Variants in AAGAB observed in about 807,000 individuals in gnomAD.
AAGAB encodes alpha- and gamma-adaptin-binding protein p34.
Under a neutral mutation model 44.1 loss-of-function variants are expected in AAGAB, and 38 were observed. The ratio of observed to expected loss-of-function variants is 0.86; its 90% CI spans 0.67 to 1.13. The LOEUF (loss-of-function observed/expected upper bound fraction) is 1.13. Among genes scored for constraint, AAGAB ranks in the 50% most tolerant of loss-of-function variants. AAGAB has a pLI of 0.00. For missense variants in AAGAB, 450 were observed against 373.8 expected, an observed-to-expected ratio of 1.20 and a Z score of -1.68; for synonymous variants, 131 against 131.8, an observed-to-expected ratio of 0.99 and a Z score of 0.04.
intron 1 of AAGAB, among the ~76,000 whole-genome samples, chr15:67,245,156 G>A (rs1371717500): frequency 1.3e-5 from 2 of 152,016 alleles, no homozygotes; most frequent in African/African-American, 2.4e-5. Flanking sequence ...TCCACTCCCA[G>A]GCATCCACCC....
intron 4 of AAGAB, among the ~76,000 whole-genome samples, chr15:67,235,244 G>T (rs1964434021): frequency 6.6e-6 from 1 of 152,102 alleles, no homozygotes; most frequent in Admixed American, 6.6e-5. Flanking sequence ...AAGCTCTCCG[G>T]TCTCTAAAAT....
intron 7 of AAGAB, among the ~76,000 whole-genome samples, chr15:67,207,126 T>C (rs192935207): frequency 3.5e-4 from 53 of 152,284 alleles, no homozygotes; most frequent in East Asian, 2.7e-3. Context: ...GGAAGCGAGA[T>C]TGCGGTGAGC....
In AAGAB at chr15:67,205,316, T is replaced by C. The variant is rs182825159; in HGVS notation, c.716-1168A>G. ...ACAATTTGGTGTTAAAAACGCATCT[T>C]GGTTAATATATTTGCTTTCGTTCAA... On this transcript the variant is annotated intron_variant, in intron 7 of 9. Transcript: ENST00000261880. 2.6e-5 allele frequency among the ~76,000 whole-genome samples: 4 copies of C among 152,354 alleles called. No individual in the cohort carries two copies. In the East Asian group the frequency reaches 7.7e-4, roughly 29 times the overall value.
chr15:67,240,039 T>C (rs1964559253), intron 1 of AAGAB, among the ~76,000 whole-genome samples: 1 of 152,182 alleles, frequency 6.6e-6, no homozygotes, highest in African/African-American at 2.4e-5. Flanking sequence ...GTTACAATAC[T>C]TAGCACCTGA....
upstream of AAGAB, chr15:67,254,957 G>C (rs371158214): frequency 6.2e-7 from 1 of 1,612,166 alleles, no homozygotes; most frequent in Non-Finnish European, 8.5e-7. Flanking sequence ...GGTGGGAAAC[G>C]GGCTTCCCCC....
At chr15:67,253,654 T>C (rs902922693) in intron 1 of AAGAB, among the ~76,000 whole-genome samples, 2 of 151,456 alleles carry the variant, frequency 1.3e-5, no homozygotes, top group Non-Finnish European at 2.9e-5. Context: ...CTCGGGAGAC[T>C]GAGGCAGGAG....
At chr15:67,220,651 T>C (rs1035313357) in intron 5 of AAGAB, 10 of 152,218 alleles carry the variant, frequency 6.6e-5, no homozygotes, top group African/African-American at 2.4e-4. Flanking sequence ...ATGCTCCTTA[T>C]TAAGTTTCAT....
In AAGAB at chr15:67,236,036, T is replaced by G. The variant is rs7173826; in HGVS notation, c.394A>C (p.Ile132Leu). The change falls in exon 4 of 10, where the codon ATC becomes CTC. Residue 132 changes from isoleucine (I) to leucine (L), a missense_variant. Transcript: ENST00000261880. ...TCTACCAATTCAAAGCCATGTTTGA[T>G]GCACCATTCTTGAGCTTTTTGTCGG... ...INRQKAQEWC[I>L]KHGFELVELS... 0.34 allele frequency: 542,145 copies of G among 1,610,922 alleles called. 97,347 individuals carry two copies. Among genetic ancestry groups the G allele is most frequent in the East Asian group, 0.65 (28,919 of 44,748 alleles).
intron 1 of AAGAB, among the ~76,000 whole-genome samples, chr15:67,247,841 A>G (rs1380681476): frequency 6.6e-6 from 1 of 152,176 alleles, no homozygotes; most frequent in African/African-American, 2.4e-5. Flanking sequence ...CTAATTGTAA[A>G]CTGATTTTGA....
chr15:67,210,060 C>T (rs1292134300), intron 5 of AAGAB, among the ~76,000 whole-genome samples: 1 of 152,092 alleles, frequency 6.6e-6, no homozygotes, highest in Non-Finnish European at 1.5e-5. Context: ...AAACAAAAGG[C>T]CAGTGGTTCT....
intron 7 of AAGAB, 119 bp from the exon 8 acceptor site, chr15:67,204,267 A>AAG (rs1963636423): frequency 1.6e-6 from 1 of 636,294 alleles, no homozygotes; most frequent in Non-Finnish European, 2.7e-6. Context: ...CCCAGTGTAT[A>AAG]CCAGCTTTAC....
At chr15:67,216,101 T>C (rs866096773) in intron 5 of AAGAB, among the ~76,000 whole-genome samples, 2 of 151,728 alleles carry the variant, frequency 1.3e-5, no homozygotes, top group Non-Finnish European at 2.9e-5. Context: ...TTCTTGATTA[T>C]AAATAATATA....
intron 5 of AAGAB, among the ~76,000 whole-genome samples, chr15:67,230,782 C>G (rs1428411598): frequency 6.6e-6 from 1 of 152,204 alleles, no homozygotes; most frequent in Non-Finnish European, 1.5e-5. Context: ...ACTGCCACTA[C>G]ATTACCCCGG....
At chr15:67,239,266 T>C (rs1964541752) in intron 1 of AAGAB, among the ~76,000 whole-genome samples, 1 of 152,198 alleles carries the variant, frequency 6.6e-6, no homozygotes, top group Non-Finnish European at 1.5e-5. Flanking sequence ...CTAACTGCAA[T>C]TTAAAATTAC....
chr15:67,214,727 G>A (rs547321381), intron 5 of AAGAB, among the ~76,000 whole-genome samples: 83 of 151,676 alleles, frequency 5.5e-4, no homozygotes, highest in African/African-American at 1.8e-3. Flanking sequence ...TGCAAGCTCC[G>A]CCTCCCGGGT....
At chr15:67,236,869 A>G (rs1193775279) in intron 1 of AAGAB, 49 bp from the exon 2 acceptor site, 19 of 1,433,904 alleles carry the variant, frequency 1.3e-5, no homozygotes, top group Non-Finnish European at 1.7e-5. Flanking sequence ...ACCAATATAC[A>G]TTGGTTGATT....
At chr15:67,219,670 G>C (rs955197226) in intron 5 of AAGAB, among the ~76,000 whole-genome samples, 1 of 151,994 alleles carries the variant, frequency 6.6e-6, no homozygotes, top group African/African-American at 2.4e-5. Flanking sequence ...GGGAGGGAGG[G>C]GGGCAAGGAT....
intron 5 of AAGAB, among the ~76,000 whole-genome samples, chr15:67,229,451 G>T (rs1376832206): frequency 6.7e-6 from 1 of 148,426 alleles, no homozygotes. Context: ...AAAAAAAAGA[G>T]TTGGAGAAGG....
rs185369450 is a variant in AAGAB at position 67,214,742 on chromosome 15, G to A, written c.536-5198C>T. 1.9e-3 allele frequency among the ~76,000 whole-genome samples: 283 copies of A among 152,144 alleles called. 1 individual carries two copies. Among genetic ancestry groups the A allele is most frequent in the Admixed American group, 5.2e-3 (80 of 15,296 alleles). On this transcript the variant is annotated intron_variant, in intron 5 of 9. Transcript: ENST00000261880. ...TGCAAGCTCCGCCTCCCGGGTTCAG[G>A]CCGTTCTCCTGCCTCAGCCTCCTGA...
Sources: allele counts gnomAD v4.1 joint callset (sites outside exome capture counted in the v4.1 genomes callset), GRCh38; gene constraint gnomAD v4.1.1; transcripts MANE v1.5; gene names NCBI Gene and HGNC (gene_info 2026-07-23, HGNC 2026-07-21).